SF1: variants seen among roughly 807,000 people sequenced by gnomAD.
SF1 encodes the protein branch point-binding protein.
SF1 carries 7 observed loss-of-function variants against 62.5 expected under a neutral mutation model. That is an observed-to-expected ratio of 0.11 (90% CI 0.06 to 0.21). The LOEUF (loss-of-function observed/expected upper bound fraction) is 0.21, where lower values mean the gene tolerates loss of function less well. Ranked by LOEUF, SF1 falls within the 10% of genes least tolerant of loss-of-function variation. SF1 has a pLI of 1.00. For synonymous variants in SF1, 394 were observed against 323.6 expected, an observed-to-expected ratio of 1.22 and a Z score of -2.33; for missense variants, 578 against 884.0, an observed-to-expected ratio of 0.65 and a Z score of 4.39.
intron 1 of SF1, among the ~76,000 whole-genome samples, chr11:64,777,332 G>A (rs770310988): frequency 1.3e-5 from 2 of 152,084 alleles, no homozygotes; most frequent in Non-Finnish European, 2.9e-5. Flanking sequence ...ATTTCCCAAG[G>A]GGTACAGGAT....
At chr11:64,768,973 G>T in intron 8 of SF1, 49 bp downstream of exon 8, 1 of 1,238,064 alleles carries the variant, frequency 8.1e-7, no homozygotes, top group Non-Finnish European at 1.2e-6. Flanking sequence ...CAGAAAAGTT[G>T]TCCTGCACAT....
chr11:64,776,193 C>T (rs190982857), intron 2 of SF1: 2 of 345,366 alleles, frequency 5.8e-6, no homozygotes, highest in African/African-American at 2.2e-5. Flanking sequence ...ATGACACTCA[C>T]CTCATCAACT....
In SF1 at chr11:64,765,242, A is replaced by G; in HGVS notation, c.*576T>C. On this transcript the variant is annotated 3_prime_UTR_variant, in exon 13 of 13. Transcript: ENST00000377390. ...CTGGAGAGAAGGGAAAGGAATCTAA[A>G]TTGCAGCAGAAGACCGGGGAGAGCA... is the stretch of plus-strand genomic sequence containing the variant. The G allele has an allele frequency of 4.2e-6, 2 of 479,576 alleles. No individual in the cohort carries two copies. The highest frequency in any genetic ancestry group is 7.5e-6 in the Non-Finnish European group (2 of 267,194). 29.7% of individuals were successfully genotyped at this position (479,576 alleles called of 1,614,324 possible). A position where few individuals can be genotyped will look rare whatever the true frequency, so the allele number is the denominator to read the frequency against.
intron 8 of SF1, among the ~76,000 whole-genome samples, chr11:64,768,513 G>A (rs1028959667): frequency 2.0e-5 from 3 of 152,242 alleles, no homozygotes; most frequent in East Asian, 1.9e-4. Flanking sequence ...GCCCCTGGGC[G>A]AAGAGCACAG....
intron 3 of SF1, among the ~76,000 whole-genome samples, chr11:64,770,990 G>A (rs779687203): frequency 3.3e-5 from 5 of 152,216 alleles, no homozygotes; most frequent in African/African-American, 4.8e-5. Context: ...TCAATGGCCT[G>A]GCTGGCTGTG....
intron 2 of SF1, among the ~76,000 whole-genome samples, chr11:64,775,009 T>G (rs1175065895): frequency 1.3e-5 from 2 of 151,198 alleles, no homozygotes; most frequent in Non-Finnish European, 2.9e-5. Flanking sequence ...CAAAGCAGTA[T>G]GTACCGTGGG....
Position 64,778,528 on chromosome 11 carries a change from C to CGGT in SF1, c.-137_-136insACC. 1 of 1,172,344 alleles carries CGGT rather than the reference C, an allele frequency of 8.5e-7. No individual in the cohort carries two copies. Among genetic ancestry groups the CGGT allele is most frequent in the Non-Finnish European group, 1.1e-6 (1 of 949,824 alleles). 72.6% of individuals were successfully genotyped at this position (1,172,344 alleles called of 1,614,324 possible). On this transcript the variant is annotated 5_prime_UTR_variant, in exon 1 of 13. Coordinates refer to ENST00000377390, the MANE Select transcript of SF1 (RefSeq NM_004630.4). ...CGTCCTCTCACGCGGCGGGCGGCGG[C>CGGT]GGCGCGAGACGCACAAAGAGGGAGG...
chr11:64,772,854 A>G, intron 3 of SF1: 1 of 985,364 alleles, frequency 1.0e-6, no homozygotes, highest in Non-Finnish European at 1.2e-6. Flanking sequence ...AAAATAGGTG[A>G]GAATATTCTG....
At chr11:64,775,438 T>A (rs1489537933) in intron 2 of SF1, among the ~76,000 whole-genome samples, 3 of 152,054 alleles carry the variant, frequency 2.0e-5, no homozygotes, top group South Asian at 4.1e-4. Flanking sequence ...ATGGAATGGG[T>A]GGGAGTAGAC....
At chr11:64,768,891 C>T in intron 8 of SF1, 131 bp downstream of exon 8, 1 of 729,276 alleles carries the variant, frequency 1.4e-6, no homozygotes, top group Non-Finnish European at 2.5e-6. Context: ...GGCTTTAAAT[C>T]ACACCATTAC....
At chr11:64,768,467 G>A (rs747361836) in intron 8 of SF1, among the ~76,000 whole-genome samples, 181 bp from the exon 9 acceptor site, 3 of 152,224 alleles carry the variant, frequency 2.0e-5, no homozygotes, top group Admixed American at 6.5e-5. Flanking sequence ...TCAGTTTCGT[G>A]CCCAGTTCTG....
In SF1 at chr11:64,765,525, GC is replaced by G. The variant is rs1010598984; in HGVS notation, c.*292del. Reference sequence around the variant, plus strand: ...GCCGCCGCGGGGAGGGATCCTGGCGGCCCGGTTTGGGGAGAGGCAAAGGGAG... The same window carrying G: ...GCCGCCGCGGGGAGGGATCCTGGCGGCCGGTTTGGGGAGAGGCAAAGGGAG... On this transcript the variant is annotated 3_prime_UTR_variant, in exon 13 of 13. Transcript: ENST00000377390. 1 of 1,605,892 alleles carries G rather than the reference GC, an allele frequency of 6.2e-7. No individual in the cohort carries two copies. The highest frequency in any genetic ancestry group is 8.5e-7 in the Non-Finnish European group (1 of 1,176,896).
rs867889278 is a variant in SF1, at chr11:64,770,340, C to T, written c.305G>A (p.Arg102His). Residue 102 changes from arginine (R) to histidine (H), a missense_variant, in exon 4 of 13, where the codon CGC becomes CAC. Arg to His is a conservative substitution (Grantham distance 29). Around this residue, in one of 7 missense-constraint regions of SF1, gnomAD observed 68 missense variants for 170.7 expected, o/e 0.40. Transcript: ENST00000377390. ...KRLNTREFRT[R>H]KKLEEERHNL... is the part of the protein sequence containing the mutation. ...GTGCCGCTCCTCTTCCAGCTTTTTGCGGGTGCGGAACTCTCGGGTGTTAAG... is the reference window on the plus strand; with the variant it reads ...GTGCCGCTCCTCTTCCAGCTTTTTGTGGGTGCGGAACTCTCGGGTGTTAAG... The T allele has an allele frequency of 6.2e-7, 1 of 1,613,980 alleles. No homozygotes were observed. Among genetic ancestry groups the T allele is most frequent in the Non-Finnish European group, 8.5e-7 (1 of 1,180,006 alleles).
intron 3 of SF1, 115 bp downstream of exon 3, chr11:64,773,315 G>A: frequency 4.0e-6 from 6 of 1,516,184 alleles, no homozygotes; most frequent in South Asian, 1.3e-5. Context: ...AAGTGGTCAG[G>A]GTACAGTCGT....
chr11:64,765,872 G>A lies in SF1; in HGVS notation c.1866C>T (p.Gly622=), dbSNP rs774482214. The A allele has an allele frequency of 1.1e-5, 17 of 1,563,454 alleles. No individual in the cohort carries two copies. The South Asian group carries it at 1.9e-4, about 17-fold the overall frequency. ...FVTMMGMGVA[G]MPPFGMPPAP... Reference sequence around the variant, plus strand: ...CTGGAGGCATCCCGAAGGGCGGCATGCCCGCCACCCCCATGCCCATCATGG... The same window carrying A: ...CTGGAGGCATCCCGAAGGGCGGCATACCCGCCACCCCCATGCCCATCATGG... The change falls in exon 13 of 13, where the codon GGC becomes GGT. Residue 622 remains glycine (G), a synonymous_variant. Transcript: ENST00000377390.
chr11:64,774,752 G>GA (rs1938884817), intron 2 of SF1, among the ~76,000 whole-genome samples: 1 of 152,106 alleles, frequency 6.6e-6, no homozygotes, highest in South Asian at 2.1e-4. Flanking sequence ...GAGGACAAGA[G>GA]ATCGAGACCA....
chr11:64,768,171 G>C lies in SF1; in HGVS notation c.1003C>G (p.Pro335Ala). The C allele has an allele frequency of 6.2e-7, 1 of 1,614,004 alleles. No individual in the cohort carries two copies. Among genetic ancestry groups the C allele is most frequent in the East Asian group, 2.2e-5 (1 of 44,882 alleles). ...VPASVGSTSG[P>A]ATTPLASAPR... The stretch of plus-strand genomic sequence containing the variant: ...GCGCTGGCCAGGGGTGTGGTGGCAG[G>C]CCCAGAGGTGGAGCCCACAGATGCT... Residue 335 changes from proline (P) to alanine (A), a missense_variant, in exon 9 of 13, where the codon CCT (proline) becomes GCT (alanine). Transcript: ENST00000377390.
intron 3 of SF1, chr11:64,771,386 A>C: frequency 1.5e-5 from 12 of 811,068 alleles, no homozygotes; most frequent in Non-Finnish European, 1.8e-5. Context: ...AAAATTTAGT[A>C]GCAGCTGCAA....
intron 3 of SF1, chr11:64,772,108 A>G: frequency 1.0e-6 from 1 of 985,446 alleles, no homozygotes; most frequent in Non-Finnish European, 1.2e-6. Context: ...GGCAAAAGCT[A>G]GTATTCTAGA....
Sources: gnomAD v4.1 joint callset for allele counts (sites outside exome capture counted in the v4.1 genomes callset) on GRCh38, gnomAD v4.1.1 for gene constraint, gnomAD v4.1.1 regional missense constraint, MANE v1.5 for transcripts, NCBI Gene and HGNC (gene_info 2026-07-23, HGNC 2026-07-21) for gene names.